Variants in GPC5 observed in about 807,000 individuals in gnomAD.
GPC5 encodes glypican-5.
A neutral mutation model predicts 53.9 loss-of-function variants in GPC5; 47 were observed. The ratio of observed to expected loss-of-function variants is 0.87; its 90% CI spans 0.69 to 1.11. GPC5 has a LOEUF of 1.11. Among genes scored for constraint, GPC5 ranks in the 50% most tolerant of loss-of-function variants. GPC5 has a pLI of 0.00. For missense variants in GPC5, 748 were observed against 713.1 expected, an observed-to-expected ratio of 1.05 and a Z score of -0.56; for synonymous variants, 286 against 263.3, an observed-to-expected ratio of 1.09 and a Z score of -0.84.
chr13:91,560,875 A>C (rs1237188331), intron 2 of GPC5, among the ~76,000 whole-genome samples: 1 of 152,070 alleles, frequency 6.6e-6, no homozygotes, highest in Admixed American at 6.6e-5. Context: ...TCCAGACCAA[A>C]GTCAATTCAA....
chr13:92,276,308 G>A (rs548081297), intron 7 of GPC5, among the ~76,000 whole-genome samples: 1 of 152,178 alleles, frequency 6.6e-6, no homozygotes, highest in African/African-American at 2.4e-5. Flanking sequence ...GATCCACAGT[G>A]CACCTAATCT....
At chr13:91,919,767 A>C (rs2039693406) in intron 6 of GPC5, among the ~76,000 whole-genome samples, 1 of 152,182 alleles carries the variant, frequency 6.6e-6, no homozygotes, top group African/African-American at 2.4e-5. Flanking sequence ...CTCATTCAAA[A>C]TTCCAGCCAG....
chr13:91,638,346 T>C (rs1161746158), intron 2 of GPC5, among the ~76,000 whole-genome samples: 2 of 152,140 alleles, frequency 1.3e-5, no homozygotes, highest in Non-Finnish European at 2.9e-5. Context: ...TGATTTACAA[T>C]AGACATTTCT....
intron 6 of GPC5, among the ~76,000 whole-genome samples, chr13:92,017,157 T>C (rs2040715116): frequency 6.6e-6 from 1 of 152,134 alleles, no homozygotes; most frequent in African/African-American, 2.4e-5. Context: ...AAAGGTTGGT[T>C]TTCCACCTAG....
chr13:91,910,687 AATAG>A (rs1458247300), intron 6 of GPC5, among the ~76,000 whole-genome samples: 1 of 152,202 alleles, frequency 6.6e-6, no homozygotes, highest in African/African-American at 2.4e-5. Context: ...TCACTAAGGA[AATAG>A]ATAAAGATTT....
intron 7 of GPC5, among the ~76,000 whole-genome samples, chr13:92,486,866 T>TTA (rs1183258351): frequency 2.0e-5 from 3 of 151,768 alleles, no homozygotes; most frequent in Non-Finnish European, 4.4e-5. Context: ...CAGGGATTTT[T>TTA]TTTTTTTCAG....
intron 6 of GPC5, among the ~76,000 whole-genome samples, chr13:92,040,633 C>G (rs977166589): frequency 1.4e-4 from 22 of 152,158 alleles, no homozygotes; most frequent in African/African-American, 5.3e-4. Flanking sequence ...ACAATTTCCA[C>G]TTTGCAAACA....
intron 7 of GPC5, among the ~76,000 whole-genome samples, chr13:92,610,395 G>A (rs534166680): frequency 1.2e-4 from 18 of 152,162 alleles, no homozygotes; most frequent in Non-Finnish European, 2.6e-4. Flanking sequence ...TCTAATTTCA[G>A]CTAGGAGGAG....
intron 7 of GPC5, among the ~76,000 whole-genome samples, chr13:92,265,791 G>A (rs1243780344): frequency 6.6e-6 from 1 of 152,140 alleles, no homozygotes; most frequent in Non-Finnish European, 1.5e-5. Context: ...TCCATTTTGT[G>A]CTGCTGTTAG....
At chr13:92,066,226 G>T (rs1342487888) in intron 6 of GPC5, among the ~76,000 whole-genome samples, 2 of 152,000 alleles carry the variant, frequency 1.3e-5, no homozygotes, top group African/African-American at 4.8e-5. Flanking sequence ...GACAAGGGCT[G>T]CCATAAGCTA....
intron 7 of GPC5, among the ~76,000 whole-genome samples, chr13:92,640,117 T>C (rs561747071): frequency 1.4e-4 from 22 of 152,140 alleles, no homozygotes; most frequent in South Asian, 6.2e-4. Flanking sequence ...ACAATATACA[T>C]ATATATTTGC....
At chr13:92,256,173 G>GATATAAAT (rs2042724747) in intron 7 of GPC5, among the ~76,000 whole-genome samples, 1 of 151,534 alleles carries the variant, frequency 6.6e-6, no homozygotes, top group African/African-American at 2.4e-5. Context: ...TATATAGAGA[G>GATATAAAT]ATATAAATAT....
chr13:91,865,029 A>G (rs889245142), intron 5 of GPC5, among the ~76,000 whole-genome samples: 1 of 151,426 alleles, frequency 6.6e-6, no homozygotes, highest in African/African-American at 2.4e-5. Flanking sequence ...CTCAGCCTCC[A>G]GCCTCCTGAG....
At chr13:91,667,517 G>T (rs1320293181) in intron 2 of GPC5, among the ~76,000 whole-genome samples, 1 of 152,200 alleles carries the variant, frequency 6.6e-6, no homozygotes, top group Non-Finnish European at 1.5e-5. Flanking sequence ...GCAGCTGTCA[G>T]ACTGCTAGAT....
At chr13:92,345,174 A>G (rs1161357618) in intron 7 of GPC5, among the ~76,000 whole-genome samples, 1 of 152,206 alleles carries the variant, frequency 6.6e-6, no homozygotes, top group African/African-American at 2.4e-5. Flanking sequence ...TCATAGTAAT[A>G]TAACAAAATA....
intron 3 of GPC5, among the ~76,000 whole-genome samples, chr13:91,716,726 A>G (rs1445159313): frequency 2.0e-5 from 3 of 152,204 alleles, no homozygotes; most frequent in Non-Finnish European, 4.4e-5. Flanking sequence ...TGTTATAGGT[A>G]AGTAGATGTG....
chr13:92,602,231 A>ATAAAATATAT (rs1555294283), intron 7 of GPC5, among the ~76,000 whole-genome samples: 1 of 4,964 alleles, frequency 2.0e-4, no homozygotes. Flanking sequence ...ATATATATAT[A>ATAAAATATAT]ACATATATAT....
intron 2 of GPC5, among the ~76,000 whole-genome samples, chr13:91,656,646 T>C (rs957310517): frequency 3.9e-5 from 6 of 152,214 alleles, no homozygotes; most frequent in Admixed American, 2.0e-4. Context: ...AAGACCCAGA[T>C]AAAAATCTCA....
chr13:91,535,870 C>G (rs1594219955), intron 2 of GPC5, among the ~76,000 whole-genome samples: 1 of 152,034 alleles, frequency 6.6e-6, no homozygotes, highest in Non-Finnish European at 1.5e-5. Flanking sequence ...ATAATAATAA[C>G]TGGTGAGGAC....
Sources: gnomAD v4.1 joint callset for allele counts (sites outside exome capture counted in the v4.1 genomes callset) on GRCh38, gnomAD v4.1.1 for gene constraint, MANE v1.5 for transcripts, NCBI Gene and HGNC (gene_info 2026-07-23, HGNC 2026-07-21) for gene names.